The following TENM3 variants were observed in gnomAD, a reference collection of about 807,000 sequenced individuals.
TENM3 encodes the protein teneurin-3.
In TENM3, 63 loss-of-function variants were observed where a neutral mutation model predicts 255.1. The ratio of observed to expected loss-of-function variants is 0.25; its 90% confidence interval spans 0.20 to 0.30. The LOEUF (loss-of-function observed/expected upper bound fraction) is 0.30. Ranked by LOEUF, TENM3 falls within the 10% of genes least tolerant of loss-of-function variation. The pLI, the probability that TENM3 is intolerant of heterozygous loss-of-function variation, is 1.00. For missense variants in TENM3, 2,929 were observed against 3,461.1 expected, an observed-to-expected ratio of 0.85 and a Z score of 3.86; for synonymous variants, 1,306 against 1,322.3, an observed-to-expected ratio of 0.99 and a Z score of 0.27.
the TENM3 span, among the ~76,000 whole-genome samples, chr4:182,105,058 T>A: frequency 6.6e-6 from 1 of 151,992 alleles, no homozygotes; most frequent in African/African-American, 2.4e-5. Context: ...CAGAATGTTT[T>A]AAAAATTAGC....
At chr4:181,695,771 G>A in the TENM3 span, among the ~76,000 whole-genome samples, 1 of 152,122 alleles carries the variant, frequency 6.6e-6, no homozygotes, top group Admixed American at 6.5e-5. Flanking sequence ...GGTTAACTTT[G>A]TAGATTAAAA....
At chr4:182,560,981 A>G (rs1259677883) in intron 3 of TENM3, among the ~76,000 whole-genome samples, 1 of 152,180 alleles carries the variant, frequency 6.6e-6, no homozygotes, top group Non-Finnish European at 1.5e-5. Flanking sequence ...CTCTCCGTTC[A>G]TGGCCAGAGA....
chr4:182,450,400 T>C (rs1773354866), intron 3 of TENM3, among the ~76,000 whole-genome samples: 1 of 152,078 alleles, frequency 6.6e-6, no homozygotes, highest in Non-Finnish European at 1.5e-5. Flanking sequence ...TTGTTTTGTT[T>C]TTGTTTTTTT....
chr4:181,843,313 T>C, the TENM3 span, among the ~76,000 whole-genome samples: 1 of 152,220 alleles, frequency 6.6e-6, no homozygotes, highest in Non-Finnish European at 1.5e-5. Context: ...TCAATCTCCA[T>C]GCCTGGGGAC....
In TENM3 at chr4:182,186,762, C is replaced by CATATATATATAT. The variant is rs70954298; in HGVS notation, c.-76+42049_-76+42060dup. Among the ~76,000 whole-genome samples, 90 of 27,456 alleles carry CATATATATATAT rather than the reference C, an allele frequency of 3.3e-3. 6 individuals are homozygous for CATATATATATAT. The highest frequency in any genetic ancestry group is 4.5e-3 in the Non-Finnish European group (61 of 13,504). 18.0% of individuals were successfully genotyped at this position (27,456 alleles called of 152,430 possible). A position where few individuals can be genotyped will look rare whatever the true frequency, so the allele number is the denominator to read the frequency against. The stretch of plus-strand genomic sequence containing the variant: ...TTGGGTAAGAAATATACTAATGCAT[C>CATATATATATAT]ATATATATATATATATATATATATA... On this transcript the variant is annotated intron_variant, in intron 1 of 2. Coordinates refer to the TENM3 transcript ENST00000512480.
At chr4:182,641,069 T>G in intron 5 of TENM3, among the ~76,000 whole-genome samples, 1 of 152,218 alleles carries the variant, frequency 6.6e-6, no homozygotes, top group East Asian at 1.9e-4. Flanking sequence ...CCGAACTTGA[T>G]AAGGCAGATA....
the TENM3 span, among the ~76,000 whole-genome samples, chr4:181,945,825 G>A: frequency 1.3e-5 from 2 of 152,026 alleles, no homozygotes; most frequent in Non-Finnish European, 2.9e-5. Flanking sequence ...CAATTTGACT[G>A]GTAAATATCA....
the TENM3 span, among the ~76,000 whole-genome samples, chr4:181,549,341 T>A: frequency 1.3e-5 from 2 of 152,190 alleles, no homozygotes; most frequent in African/African-American, 4.8e-5. Context: ...TCCAGCGTAA[T>A]GACATGAACA....
the TENM3 span, among the ~76,000 whole-genome samples, chr4:181,583,370 A>T: frequency 1.3e-5 from 2 of 151,846 alleles, no homozygotes. Context: ...TTGCTTTTCC[A>T]CATCATCTCT....
upstream of TENM3, chr4:182,144,017 T>C (rs1422705366): frequency 2.0e-5 from 3 of 152,480 alleles, no homozygotes; most frequent in African/African-American, 7.2e-5. Flanking sequence ...ATCTCTTTTT[T>C]TGAATAAAGA....
the TENM3 span, among the ~76,000 whole-genome samples, chr4:181,766,981 A>T: frequency 1.3e-5 from 2 of 151,084 alleles, no homozygotes; most frequent in Admixed American, 6.6e-5. Context: ...GGCCGGGCGC[A>T]GTGGCTCACG....
the TENM3 span, among the ~76,000 whole-genome samples, chr4:181,886,165 G>A: frequency 6.8e-6 from 1 of 146,074 alleles, no homozygotes; most frequent in African/African-American, 2.5e-5. Context: ...CAATTCTCCC[G>A]CCTCAGCCTC....
intron 1 of TENM3, among the ~76,000 whole-genome samples, chr4:182,304,717 T>A (rs1762040390): frequency 6.6e-6 from 1 of 152,130 alleles, no homozygotes; most frequent in African/African-American, 2.4e-5. Context: ...TCAGTTACAA[T>A]CAGCACTCCT....
the TENM3 span, among the ~76,000 whole-genome samples, chr4:181,574,463 G>A: frequency 2.6e-5 from 4 of 151,786 alleles, no homozygotes; most frequent in East Asian, 1.9e-4. Flanking sequence ...CCCGGGAGGC[G>A]GAGCTTGCAG....
chr4:181,655,046 G>C, the TENM3 span, among the ~76,000 whole-genome samples: 1 of 152,224 alleles, frequency 6.6e-6, no homozygotes, highest in Non-Finnish European at 1.5e-5. Flanking sequence ...AAAGAGATGA[G>C]AGTAATCGAC....
At chr4:182,131,167 G>T in the TENM3 span, among the ~76,000 whole-genome samples, 16 of 152,144 alleles carry the variant, frequency 1.1e-4, no homozygotes, top group Non-Finnish European at 2.1e-4. Flanking sequence ...GGAGGTTGGG[G>T]TGTGCAGAAC....
chr4:182,346,545 G>A (rs776863398), intron 2 of TENM3, 106 bp from the exon 3 acceptor site: 123 of 1,048,734 alleles, frequency 1.2e-4, no homozygotes, highest in Non-Finnish European at 1.6e-4. Context: ...AAGCCTAAAT[G>A]TTTGAGTGTT....
intron 19 of TENM3, among the ~76,000 whole-genome samples, chr4:182,744,447 A>G (rs1201083319): frequency 1.3e-5 from 2 of 152,200 alleles, no homozygotes; most frequent in African/African-American, 2.4e-5. Context: ...ATTATTTCCA[A>G]GCATTAGTTA....
At chr4:181,990,325 A>G in the TENM3 span, among the ~76,000 whole-genome samples, 10 of 152,162 alleles carry the variant, frequency 6.6e-5, no homozygotes, top group Non-Finnish European at 1.5e-4. Flanking sequence ...GCTCAGAGTG[A>G]CCATGGATAA....
Sources: allele counts gnomAD v4.1 joint callset (sites outside exome capture counted in the v4.1 genomes callset), GRCh38; gene constraint gnomAD v4.1.1; transcripts MANE v1.5; gene names NCBI Gene and HGNC (gene_info 2026-07-23, HGNC 2026-07-21).